Variants in AKR1E2 observed in about 807,000 individuals in gnomAD.
AKR1E2 encodes the protein aldo-keto reductase family 1 member E2.
In AKR1E2, 43 loss-of-function variants were observed where a neutral mutation model predicts 41.9. The ratio of observed to expected loss-of-function variants is 1.03; its 90% confidence interval spans 0.80 to 1.32. The LOEUF (loss-of-function observed/expected upper bound fraction) is 1.32. Ranked by LOEUF, AKR1E2 falls within the 40% of genes most tolerant of loss-of-function variation. AKR1E2 has a pLI of 0.00. For synonymous variants in AKR1E2, 121 were observed against 138.9 expected, an observed-to-expected ratio of 0.87 and a Z score of 0.91; for missense variants, 423 against 396.5, an observed-to-expected ratio of 1.07 and a Z score of -0.57.
the AKR1E2 span, among the ~76,000 whole-genome samples, chr10:4,872,258 CT>C: frequency 6.6e-6 from 1 of 152,054 alleles, no homozygotes; most frequent in Non-Finnish European, 1.5e-5. Context: ...CAAATTCTCT[CT>C]TTTTTAAAAC....
At chr10:4,840,273 A>G (rs1833768167) in intron 6 of AKR1E2, among the ~76,000 whole-genome samples, 2 of 152,216 alleles carry the variant, frequency 1.3e-5, no homozygotes, top group South Asian at 4.1e-4. Context: ...CTAAGCCAGA[A>G]GCTTGGAAAT....
chr10:4,872,444 A>T, the AKR1E2 span, among the ~76,000 whole-genome samples: 1 of 152,212 alleles, frequency 6.6e-6, no homozygotes, highest in African/African-American at 2.4e-5. Context: ...TGGTTAGAAG[A>T]TGAAGTCACT....
At position 4,847,523 on chromosome 10, in the gene AKR1E2, A is replaced by C; in HGVS notation, c.956A>C (p.Glu319Ala). The change falls in exon 10 of 10, where the codon GAA becomes GCA. Residue 319 changes from glutamate to alanine, a missense_variant. Physicochemically the swap from Glu to Ala is moderately radical, Grantham distance 107. Coordinates refer to ENST00000298375, the MANE Select transcript of AKR1E2 (RefSeq NM_001040177.3). ...KNHKDYPFHI[E>A]Y is the part of the protein sequence containing the mutation. Reference sequence around the variant, plus strand: ...CACAAAGACTATCCTTTCCACATAGAATACTGAGGACGCTTCCCCTTCCTT... The same window carrying C: ...CACAAAGACTATCCTTTCCACATAGCATACTGAGGACGCTTCCCCTTCCTT... The C allele has an allele frequency of 1.2e-6, 2 of 1,613,526 alleles. No individual in the cohort carries two copies. The highest frequency in any genetic ancestry group is 1.7e-6 in the Non-Finnish European group (2 of 1,179,708).
At chr10:4,843,826 C>G (rs1474062192) in intron 8 of AKR1E2, among the ~76,000 whole-genome samples, 1 of 152,236 alleles carries the variant, frequency 6.6e-6, no homozygotes, top group African/African-American at 2.4e-5. Context: ...CCCGCATGCC[C>G]TTCTCCTCTC....
At chr10:4,871,697 TGTGGGGGTGGG>T in the AKR1E2 span, among the ~76,000 whole-genome samples, 2 of 130,518 alleles carry the variant, frequency 1.5e-5, no homozygotes, top group Admixed American at 1.6e-4. Flanking sequence ...TTTTGGCAGT[TGTGGGGGTGGG>T]GTGGGGGCGG....
chr10:4,839,743 A>G lies in AKR1E2; in HGVS notation c.597A>G (p.Pro199=), dbSNP rs2290349. Residue 199 remains proline (P), a synonymous_variant, in exon 6 of 10, where the codon CCA becomes CCG. Transcript: ENST00000298375. ...TTCTGTTATAGATTGAGTGCCACCC[A>G]TATCTTACTCAGAAGAATCTGATCA... ...KPLTNQIECH[P]YLTQKNLISF... 68,559 of 1,613,432 alleles carry G rather than the reference A, an allele frequency of 0.042. 1,818 individuals carry two copies. Among genetic ancestry groups the G allele is most frequent in the East Asian group, 0.12 (5,536 of 44,874 alleles).
chr10:4,837,724 TA>T, intron 5 of AKR1E2, 143 bp downstream of exon 5: 1 of 1,328,164 alleles, frequency 7.5e-7, no homozygotes, highest in Non-Finnish European at 1.0e-6. Flanking sequence ...GAATGGTGAT[TA>T]AAGGCAGCAG....
chr10:4,826,129 C>A, upstream of AKR1E2: 1 of 417,022 alleles, frequency 2.4e-6, no homozygotes, highest in South Asian at 1.3e-4. Context: ...ACCAGCCAGT[C>A]AGTGCCCGGC....
At chr10:4,831,780 C>T (rs1832989468) in intron 2 of AKR1E2, among the ~76,000 whole-genome samples, 1 of 152,192 alleles carries the variant, frequency 6.6e-6, no homozygotes, top group African/African-American at 2.4e-5. Flanking sequence ...TCAGCTGTGC[C>T]CTGTCAGGAG....
upstream of AKR1E2, chr10:4,826,187 C>G (rs1008450282): frequency 1.7e-6 from 1 of 598,678 alleles, no homozygotes; most frequent in Non-Finnish European, 2.4e-6. Flanking sequence ...ATGCTTCCAG[C>G]CATTGTCGGA....
chr10:4,847,183 T>C lies in AKR1E2; in HGVS notation c.873T>C (p.Asp291=). Reference sequence around the variant, plus strand: ...TTGAATTAACACAGCACGATATGGATAACATCCTCAGCCTAAACAGGAATC... The same window carrying C: ...TTGAATTAACACAGCACGATATGGACAACATCCTCAGCCTAAACAGGAATC... ...FDFELTQHDM[D]NILSLNRNLR... The change falls in exon 9 of 10, where the codon GAT becomes GAC. Residue 291 remains aspartate, a synonymous_variant. Coordinates refer to ENST00000298375, the MANE Select transcript of AKR1E2 (RefSeq NM_001040177.3). 2 of 1,614,212 alleles carry C rather than the reference T, an allele frequency of 1.2e-6. No individual in the cohort carries two copies. Among genetic ancestry groups the C allele is most frequent in the Non-Finnish European group, 1.7e-6 (2 of 1,180,026 alleles).
At chr10:4,826,558 A>T (rs1462200483) in intron 1 of AKR1E2, among the ~76,000 whole-genome samples, 195 bp downstream of exon 1, 1 of 152,086 alleles carries the variant, frequency 6.6e-6, no homozygotes, top group African/African-American at 2.4e-5. Context: ...CCTAAAACGG[A>T]GTCGGTGCTG....
chr10:4,850,214 A>G (rs1349578611), downstream of AKR1E2, among the ~76,000 whole-genome samples: 1 of 152,126 alleles, frequency 6.6e-6, no homozygotes, highest in Non-Finnish European at 1.5e-5. Flanking sequence ...TCCACAGAGG[A>G]GGTGTAAACG....
chr10:4,847,449 T>C (rs1834415838), intron 9 of AKR1E2, 39 bp from the exon 10 acceptor site: 1 of 1,603,204 alleles, frequency 6.2e-7, no homozygotes, highest in African/African-American at 1.3e-5. Context: ...AAATAATCAT[T>C]CTTTGTTCCT....
the AKR1E2 span, among the ~76,000 whole-genome samples, chr10:4,860,236 AAAT>A: frequency 6.6e-6 from 1 of 152,226 alleles, no homozygotes; most frequent in South Asian, 2.1e-4. Flanking sequence ...TGTGTTTTTA[AAAT>A]AATGAGTTAG....
At chr10:4,867,256 A>AGATATT in the AKR1E2 span, among the ~76,000 whole-genome samples, 757 of 152,292 alleles carry the variant, frequency 5.0e-3, 9 homozygotes, top group African/African-American at 0.018. Context: ...TTCACAACCA[A>AGATATT]GATACTGATA....
chr10:4,830,232 A>T lies in AKR1E2; in HGVS notation c.40-443A>T, dbSNP rs541628988. 3.9e-5 allele frequency among the ~76,000 whole-genome samples: 6 copies of T among 152,212 alleles called. No individual in the cohort carries two copies. In the East Asian group the frequency reaches 1.2e-3, roughly 29 times the overall value. ...GAACTACCTTATTGCTTGTAGCATT[A>T]TACATTCATTTAGGTTTTGTTATAT... is the stretch of plus-strand genomic sequence containing the variant. On this transcript the variant is annotated intron_variant, in intron 1 of 9. Coordinates refer to ENST00000298375, the MANE Select transcript of AKR1E2 (RefSeq NM_001040177.3).
the AKR1E2 span, among the ~76,000 whole-genome samples, chr10:4,854,709 T>C: frequency 6.6e-6 from 1 of 152,112 alleles, no homozygotes; most frequent in Non-Finnish European, 1.5e-5. Flanking sequence ...GTGGGGTGTG[T>C]ATACCCAGGT....
chr10:4,841,195 C>T (rs12571940), intron 6 of AKR1E2, among the ~76,000 whole-genome samples: 1 of 152,086 alleles, frequency 6.6e-6, no homozygotes, highest in African/African-American at 2.4e-5. Context: ...GAGGACGATA[C>T]TAGCACAATG....
Sources: gnomAD v4.1 joint callset for allele counts (sites outside exome capture counted in the v4.1 genomes callset) on GRCh38, gnomAD v4.1.1 for gene constraint, MANE v1.5 for transcripts, NCBI Gene and HGNC (gene_info 2026-07-23, HGNC 2026-07-21) for gene names.